Variants in RAD23B observed in about 807,000 individuals in gnomAD.
RAD23B encodes the protein RAD23 nucleotide excision repair protein B.
RAD23B carries 5 observed loss-of-function variants against 49.1 expected under a neutral mutation model. The ratio of observed to expected loss-of-function variants is 0.10; its 90% confidence interval spans 0.05 to 0.21. The LOEUF (loss-of-function observed/expected upper bound fraction) is 0.21. Ranked by LOEUF, RAD23B falls within the 10% of genes least tolerant of loss-of-function variation. The pLI, the probability that RAD23B is intolerant of heterozygous loss-of-function variation, is 1.00. For missense variants in RAD23B, 356 were observed against 486.7 expected, an observed-to-expected ratio of 0.73 and a Z score of 2.53; for synonymous variants, 184 against 165.4, an observed-to-expected ratio of 1.11 and a Z score of -0.86.
At chr9:107,301,149 G>A (rs540891707) in intron 2 of RAD23B, among the ~76,000 whole-genome samples, 87 of 152,282 alleles carry the variant, frequency 5.7e-4, no homozygotes, top group African/African-American at 2.0e-3. Context: ...CCTTCAGCAC[G>A]ACCACAGTTT....
At chr9:107,289,725 T>C (rs1352233390) in intron 1 of RAD23B, among the ~76,000 whole-genome samples, 3 of 152,198 alleles carry the variant, frequency 2.0e-5, no homozygotes, top group Non-Finnish European at 2.9e-5. Context: ...ATGTGCCTTT[T>C]GGTCCTCTGC....
chr9:107,322,024 C>A lies in RAD23B; in HGVS notation c.723C>A (p.Pro241=), dbSNP rs763203241. ...GDRESQAVVD[P]PQAASTGAPQ... Reference sequence around the variant, plus strand: ...GAGAAAGTCAGGCTGTGGTTGACCCCCCTCAAGCAGCTAGTACTGGGGCTC... The same window carrying A: ...GAGAAAGTCAGGCTGTGGTTGACCCACCTCAAGCAGCTAGTACTGGGGCTC... Residue 241 remains proline, a synonymous_variant, in exon 7 of 10, where the codon CCC becomes CCA. Transcript: ENST00000358015. The A allele has an allele frequency of 1.2e-6, 2 of 1,613,158 alleles. No homozygotes were observed. Among genetic ancestry groups the A allele is most frequent in the Non-Finnish European group, 1.7e-6 (2 of 1,179,560 alleles).
chr9:107,311,438 A>G (rs1826884926), intron 4 of RAD23B, among the ~76,000 whole-genome samples: 1 of 152,118 alleles, frequency 6.6e-6, no homozygotes, highest in East Asian at 1.9e-4. Flanking sequence ...ATATATTTTG[A>G]TATTTAAAGT....
intron 1 of RAD23B, chr9:107,284,182 C>G: frequency 1.0e-6 from 1 of 986,452 alleles, no homozygotes; most frequent in South Asian, 4.7e-5. Flanking sequence ...CGTTTGCCGC[C>G]GAGAGGTGAG....
At chr9:107,300,459 C>T (rs1013530548) in intron 2 of RAD23B, among the ~76,000 whole-genome samples, 2 of 151,172 alleles carry the variant, frequency 1.3e-5, no homozygotes, top group Non-Finnish European at 2.9e-5. Context: ...TTGTAAGCAT[C>T]GTGTAACTGG....
intron 1 of RAD23B, 77 bp downstream of exon 1, chr9:107,283,772 C>T (rs1398276429): frequency 2.4e-6 from 3 of 1,249,842 alleles, no homozygotes; most frequent in South Asian, 2.4e-5. Flanking sequence ...GGCCGGGCGG[C>T]GCGCTCCAGC....
At chr9:107,300,650 A>G (rs1826631039) in intron 2 of RAD23B, among the ~76,000 whole-genome samples, 1 of 152,182 alleles carries the variant, frequency 6.6e-6, no homozygotes, top group Non-Finnish European at 1.5e-5. Flanking sequence ...AAAAATTAAT[A>G]TTCAGATTAT....
chr9:107,331,976 C>T lies in RAD23B; in HGVS notation c.*2320C>T, dbSNP rs1432068921. The T allele has an allele frequency of 4.8e-6, 2 of 413,736 alleles. No homozygotes were observed. Among genetic ancestry groups the T allele is most frequent in the Non-Finnish European group, 8.5e-6 (2 of 235,236 alleles). The allele number at this position is 413,736 out of a possible 1,614,324, so 25.6% of individuals were successfully genotyped here. ...CTATTTGACTTTGGAATTTTGCATT[C>T]GAGGTATACTGTCATTTCTTGAAAT... is the stretch of plus-strand genomic sequence containing the variant. On this transcript the variant is annotated 3_prime_UTR_variant, in exon 10 of 10. Coordinates refer to ENST00000358015, the MANE Select transcript of RAD23B (RefSeq NM_002874.5).
At chr9:107,299,407 C>G (rs1239500124) in intron 1 of RAD23B, among the ~76,000 whole-genome samples, 2 of 152,196 alleles carry the variant, frequency 1.3e-5, no homozygotes, top group Non-Finnish European at 2.9e-5. Flanking sequence ...TCATTAGACT[C>G]ATTTTTGTAA....
intron 1 of RAD23B, among the ~76,000 whole-genome samples, chr9:107,299,162 T>A (rs1335052552): frequency 6.6e-6 from 1 of 152,230 alleles, no homozygotes; most frequent in Non-Finnish European, 1.5e-5. Context: ...AAGCTTTTTT[T>A]ATCTTTGAAG....
intron 5 of RAD23B, among the ~76,000 whole-genome samples, chr9:107,315,590 T>G (rs772824484): frequency 1.3e-5 from 2 of 152,160 alleles, no homozygotes; most frequent in Admixed American, 1.3e-4. Context: ...CTCAGCTCAC[T>G]GCAACCTCCG....
chr9:107,327,985 G>A (rs755717321), intron 9 of RAD23B, among the ~76,000 whole-genome samples: 61 of 151,990 alleles, frequency 4.0e-4, no homozygotes, highest in Non-Finnish European at 1.8e-4. Context: ...TGTTTCCTCT[G>A]ATATAGCCAT....
intron 4 of RAD23B, among the ~76,000 whole-genome samples, chr9:107,310,370 T>C (rs1266883402): frequency 6.6e-6 from 1 of 152,172 alleles, no homozygotes; most frequent in Non-Finnish European, 1.5e-5. Context: ...TTGATGAATT[T>C]GACTATAGAA....
chr9:107,313,968 C>T (rs1826941252), intron 5 of RAD23B, among the ~76,000 whole-genome samples: 1 of 151,654 alleles, frequency 6.6e-6, no homozygotes, highest in African/African-American at 2.4e-5. Context: ...CTTTCTTCCC[C>T]TCATTCCACA....
intron 9 of RAD23B, among the ~76,000 whole-genome samples, chr9:107,326,564 G>T (rs1827206608): frequency 6.7e-6 from 1 of 150,120 alleles, no homozygotes; most frequent in Non-Finnish European, 1.5e-5. Context: ...GGCTTTTTTT[G>T]GGGGGAAGTT....
chr9:107,313,938 T>C (rs758217941), intron 5 of RAD23B, among the ~76,000 whole-genome samples: 40 of 151,740 alleles, frequency 2.6e-4, no homozygotes, highest in Non-Finnish European at 4.6e-4. Context: ...TTCCTTCCTT[T>C]CTCCTTCCTT....
chr9:107,300,895 A>G (rs1331147769), intron 2 of RAD23B, among the ~76,000 whole-genome samples: 3 of 152,166 alleles, frequency 2.0e-5, no homozygotes, highest in Admixed American at 1.3e-4. Context: ...AAAGTGAGAC[A>G]GCCTGGAGGA....
At chr9:107,315,497 C>T (rs1183186146) in intron 5 of RAD23B, among the ~76,000 whole-genome samples, 2 of 151,988 alleles carry the variant, frequency 1.3e-5, no homozygotes, top group African/African-American at 2.4e-5. Context: ...CAGTCTCTCT[C>T]GTTTTTGTTT....
At chr9:107,289,712 A>T (rs927103099) in intron 1 of RAD23B, among the ~76,000 whole-genome samples, 2 of 152,226 alleles carry the variant, frequency 1.3e-5, no homozygotes, top group African/African-American at 4.8e-5. Context: ...CAAGTTACTC[A>T]GTATGTGCCT....
Sources: gnomAD v4.1 joint callset for allele counts (sites outside exome capture counted in the v4.1 genomes callset) on GRCh38, gnomAD v4.1.1 for gene constraint, MANE v1.5 for transcripts, NCBI Gene and HGNC (gene_info 2026-07-23, HGNC 2026-07-21) for gene names.